Variants in LINGO2 observed in about 807,000 individuals in gnomAD.
The protein encoded by LINGO2 is leucine rich repeat and Ig domain containing 2.
LINGO2 carries 14 observed loss-of-function variants against 30.6 expected under a neutral mutation model. That is an observed-to-expected ratio of 0.46 (90% confidence interval 0.30 to 0.72). The LOEUF (loss-of-function observed/expected upper bound fraction) is 0.72. LINGO2 is among the 30% of genes least tolerant of loss of function. LINGO2 has a pLI of 0.07. For missense variants in LINGO2, 729 were observed against 751.7 expected (o/e 0.97, Z 0.35); for synonymous variants, 317 against 288.5 (o/e 1.10, Z -1.00).
the LINGO2 span, among the ~76,000 whole-genome samples, chr9:29,044,821 T>C: frequency 6.6e-6 from 1 of 152,068 alleles, no homozygotes; most frequent in African/African-American, 2.4e-5. Context: ...CGTACACTGC[T>C]TTTTTCTTAT....
intron 4 of LINGO2, among the ~76,000 whole-genome samples, chr9:28,247,345 A>T (rs2133996566): frequency 6.6e-6 from 1 of 152,372 alleles, no homozygotes; most frequent in Non-Finnish European, 1.5e-5. Context: ...AGATGGAACC[A>T]ACCCAAATGT....
At chr9:28,547,375 T>C (rs1822003501) in intron 1 of LINGO2, among the ~76,000 whole-genome samples, 1 of 152,124 alleles carries the variant, frequency 6.6e-6, no homozygotes, top group Admixed American at 6.5e-5. Flanking sequence ...CCCTTTAAAA[T>C]GTTCCATTTG....
intron 2 of LINGO2, among the ~76,000 whole-genome samples, chr9:28,408,691 G>A (rs1303449289): frequency 6.7e-6 from 1 of 149,672 alleles, no homozygotes; most frequent in East Asian, 2.0e-4. Context: ...AATGGGTGCA[G>A]CACACCAACA....
the LINGO2 span, among the ~76,000 whole-genome samples, chr9:28,961,139 T>A: frequency 6.6e-6 from 1 of 152,282 alleles, no homozygotes; most frequent in Non-Finnish European, 1.5e-5. Flanking sequence ...TTTGGAATAA[T>A]TGGAATAGGC....
chr9:28,408,776 AAAAAAAAAAAAC>A (rs1373290223), intron 2 of LINGO2, among the ~76,000 whole-genome samples: 2 of 45,218 alleles, frequency 4.4e-5, no homozygotes, highest in African/African-American at 1.0e-4. Flanking sequence ...TAAAAAAACA[AAAAAAAAAAAAC>A]AAAAAAAAAC....
At chr9:28,251,517 G>A (rs751324043) in intron 4 of LINGO2, among the ~76,000 whole-genome samples, 1 of 152,084 alleles carries the variant, frequency 6.6e-6, no homozygotes, top group Non-Finnish European at 1.5e-5. Context: ...CTGAAAACAT[G>A]TATGTAATGG....
At chr9:28,230,359 C>T (rs2133933407) in intron 4 of LINGO2, among the ~76,000 whole-genome samples, 1 of 151,912 alleles carries the variant, frequency 6.6e-6, no homozygotes, top group East Asian at 1.9e-4. Flanking sequence ...GATGTAATTA[C>T]AATCAAATGA....
At chr9:28,673,823 C>T (rs537479764), upstream of LINGO2, among the ~76,000 whole-genome samples, 1 of 152,056 alleles carries the variant, frequency 6.6e-6, no homozygotes, top group African/African-American at 2.4e-5. Context: ...GCAATACCCT[C>T]AATACTTTAA....
At chr9:28,946,796 T>C in the LINGO2 span, among the ~76,000 whole-genome samples, 1 of 152,074 alleles carries the variant, frequency 6.6e-6, no homozygotes, top group African/African-American at 2.4e-5. Context: ...AGCAAGACTA[T>C]AGGCATGACT....
chr9:28,576,136 T>C (rs1229511479), intron 1 of LINGO2, among the ~76,000 whole-genome samples: 1 of 152,246 alleles, frequency 6.6e-6, no homozygotes, highest in African/African-American at 2.4e-5. Context: ...AGAACACTTA[T>C]ATTAGCCTAC....
At chr9:28,047,999 TAA>T (rs948897556) in intron 4 of LINGO2, among the ~76,000 whole-genome samples, 19 of 149,956 alleles carry the variant, frequency 1.3e-4, no homozygotes, top group Non-Finnish European at 2.5e-4. Context: ...TAATAGAAAA[TAA>T]AAAGAAAAAA....
chr9:28,450,331 A>G (rs945227990), intron 2 of LINGO2, among the ~76,000 whole-genome samples: 18 of 152,044 alleles, frequency 1.2e-4, no homozygotes, highest in African/African-American at 3.4e-4. Context: ...TCTGTTCATT[A>G]AAGTCTGAGT....
the LINGO2 span, among the ~76,000 whole-genome samples, chr9:28,918,972 G>T: frequency 6.6e-6 from 1 of 152,150 alleles, no homozygotes; most frequent in Non-Finnish European, 1.5e-5. Context: ...TAAAGTAACA[G>T]GATGGGTGCA....
chr9:28,814,310 G>A, the LINGO2 span, among the ~76,000 whole-genome samples: 3 of 152,200 alleles, frequency 2.0e-5, no homozygotes, highest in African/African-American at 7.2e-5. Context: ...GGTGGTGCAC[G>A]CCTGTAGTCC....
the LINGO2 span, among the ~76,000 whole-genome samples, chr9:28,854,421 T>G: frequency 2.0e-5 from 3 of 152,122 alleles, no homozygotes; most frequent in South Asian, 6.2e-4. Context: ...ACTGGTATTT[T>G]GAGAAAAATT....
At chr9:27,999,487 G>A (rs1034708907) in intron 5 of LINGO2, among the ~76,000 whole-genome samples, 4 of 147,584 alleles carry the variant, frequency 2.7e-5, no homozygotes, top group East Asian at 2.1e-4. Context: ...TGTGATGCAC[G>A]TGCATTTGCA....
intron 4 of LINGO2, among the ~76,000 whole-genome samples, chr9:28,124,685 A>G (rs946667952): frequency 6.6e-6 from 1 of 152,228 alleles, no homozygotes. Context: ...GCTTCCTGAG[A>G]AATGGGATCA....
At chr9:28,434,584 CT>C (rs1823842881) in intron 2 of LINGO2, among the ~76,000 whole-genome samples, 1 of 151,406 alleles carries the variant, frequency 6.6e-6, no homozygotes, top group Non-Finnish European at 1.5e-5. Flanking sequence ...CATTTTTATC[CT>C]TCCTGTAATT....
intron 3 of LINGO2, among the ~76,000 whole-genome samples, chr9:28,356,794 A>G (rs1820226689): frequency 6.6e-6 from 1 of 152,066 alleles, no homozygotes; most frequent in South Asian, 2.1e-4. Flanking sequence ...TCTATTGAGC[A>G]GAAATCTTGC....
Sources: allele counts gnomAD v4.1 joint callset (sites outside exome capture counted in the v4.1 genomes callset), GRCh38; gene constraint gnomAD v4.1.1; transcripts MANE v1.5; gene names NCBI Gene and HGNC (gene_info 2026-07-23, HGNC 2026-07-21).